Variants in RGS6 observed in about 807,000 individuals in gnomAD.
RGS6 encodes the protein regulator of G-protein signaling 6.
A neutral mutation model predicts 78.5 loss-of-function variants in RGS6; 30 were observed. That is an observed-to-expected ratio of 0.38 (90% CI 0.29 to 0.52). The LOEUF is 0.52. Among genes scored for constraint, RGS6 ranks in the 20% least tolerant of loss-of-function variants. The pLI is 0.85. For synonymous variants in RGS6, 206 were observed against 206.0 expected (o/e 1.00, Z 0.00); for missense variants, 495 against 609.7 (o/e 0.81, Z 1.98).
intron 2 of RGS6, among the ~76,000 whole-genome samples, chr14:72,269,542 G>T (rs1022622671): frequency 9.7e-5 from 13 of 134,236 alleles, no homozygotes; most frequent in African/African-American, 3.6e-4. Flanking sequence ...TTACTGAAAT[G>T]TTTTTACAGT....
intron 2 of RGS6, among the ~76,000 whole-genome samples, chr14:72,161,774 A>G (rs1373320617): frequency 6.6e-6 from 1 of 152,254 alleles, no homozygotes; most frequent in Non-Finnish European, 1.5e-5. Flanking sequence ...GCTTGCTTGC[A>G]TTAAACTGGA....
intron 3 of RGS6, among the ~76,000 whole-genome samples, chr14:72,438,494 C>T (rs1367996506): frequency 1.3e-5 from 2 of 152,170 alleles, no homozygotes; most frequent in East Asian, 1.9e-4. Context: ...CCCAGGTGTC[C>T]TCCCCATCCT....
intron 3 of RGS6, among the ~76,000 whole-genome samples, chr14:72,371,837 T>C (rs907524278): frequency 6.6e-6 from 1 of 152,226 alleles, no homozygotes; most frequent in African/African-American, 2.4e-5. Flanking sequence ...CCAGATTTAG[T>C]GTAGCTGACC....
the RGS6 span, among the ~76,000 whole-genome samples, chr14:72,582,451 T>C: frequency 2.6e-5 from 4 of 152,206 alleles, no homozygotes; most frequent in African/African-American, 7.2e-5. Flanking sequence ...GAAAAGGCTG[T>C]AAATTACCCA....
chr14:72,387,359 C>G (rs2088472511), intron 3 of RGS6, among the ~76,000 whole-genome samples: 1 of 152,068 alleles, frequency 6.6e-6, no homozygotes, highest in South Asian at 2.1e-4. Context: ...ACCATCCTGG[C>G]TAACACAGCA....
chr14:72,179,353 A>T (rs1170919477), intron 2 of RGS6, among the ~76,000 whole-genome samples: 2 of 152,166 alleles, frequency 1.3e-5, no homozygotes. Flanking sequence ...TTCATGTCTC[A>T]ACAATTTCTA....
chr14:72,265,632 A>C (rs1355190942), intron 2 of RGS6, among the ~76,000 whole-genome samples: 3 of 152,162 alleles, frequency 2.0e-5, no homozygotes. Flanking sequence ...CAATGGCCAC[A>C]AGGCACATAA....
intron 2 of RGS6, among the ~76,000 whole-genome samples, chr14:72,144,803 C>T (rs2096586560): frequency 6.6e-6 from 1 of 150,892 alleles, no homozygotes; most frequent in Non-Finnish European, 1.5e-5. Context: ...TTGCCTGCTG[C>T]CTTCACAGAG....
At chr14:72,540,747 G>C in intron 17 of RGS6, 3 of 1,271,612 alleles carry the variant, frequency 2.4e-6, no homozygotes, top group East Asian at 5.3e-5. Context: ...GGTGTCCTGG[G>C]TACTCCCCGG....
At chr14:71,880,462 G>A in the RGS6 span, among the ~76,000 whole-genome samples, 4 of 152,292 alleles carry the variant, frequency 2.6e-5, no homozygotes, top group Non-Finnish European at 5.9e-5. Flanking sequence ...GGAAGACAGA[G>A]TGGTTTTGTG....
intron 2 of RGS6, among the ~76,000 whole-genome samples, chr14:72,317,788 C>T (rs2070737608): frequency 6.6e-6 from 1 of 151,940 alleles, no homozygotes. Flanking sequence ...TTGTATTAGT[C>T]AGGGTTCTCT....
chr14:72,458,362 C>A lies in RGS6; in HGVS notation c.327C>A (p.Thr109=). The change falls in exon 5 of 18, where the codon ACC becomes ACA. Residue 109 remains threonine, a synonymous_variant. Transcript: ENST00000553525. The part of the protein sequence containing the change: ...DHVLTMKDDG[T]FYRFQAPYFW... ...TTCTCACCATGAAGGATGATGGCAC[C>A]TTTTATCGTTTCCAGGTAAGCCTGC... The A allele has an allele frequency of 6.2e-7, 1 of 1,613,872 alleles. No individual in the cohort carries two copies. Among genetic ancestry groups the A allele is most frequent in the Middle Eastern group, 1.6e-4 (1 of 6,062 alleles).
intron 3 of RGS6, among the ~76,000 whole-genome samples, chr14:72,408,348 ATT>A (rs2093121924): frequency 6.6e-6 from 1 of 152,134 alleles, no homozygotes; most frequent in South Asian, 2.1e-4. Context: ...TAATCTTTTC[ATT>A]GTTTAGTATA....
chr14:72,149,164 G>A (rs1289842356), intron 2 of RGS6, among the ~76,000 whole-genome samples: 1 of 152,168 alleles, frequency 6.6e-6, no homozygotes, highest in Non-Finnish European at 1.5e-5. Flanking sequence ...ACATGTGGCT[G>A]CTTAGCTTCT....
At chr14:72,546,851 A>G (rs1451440673) in intron 17 of RGS6, among the ~76,000 whole-genome samples, 2 of 152,230 alleles carry the variant, frequency 1.3e-5, no homozygotes, top group Non-Finnish European at 2.9e-5. Context: ...AAGTGTGTGT[A>G]TGCCAAGCAG....
chr14:72,377,404 T>C (rs2085028536), intron 3 of RGS6, among the ~76,000 whole-genome samples: 1 of 152,096 alleles, frequency 6.6e-6, no homozygotes, highest in Non-Finnish European at 1.5e-5. Context: ...AAAGCAAATA[T>C]TATTAGATCT....
chr14:72,312,238 TTTTTTG>T (rs2152466224), intron 2 of RGS6, among the ~76,000 whole-genome samples: 1 of 151,998 alleles, frequency 6.6e-6, no homozygotes, highest in African/African-American at 2.4e-5. Context: ...TTTTTTTTTT[TTTTTTG>T]GTACTCAGCC....
chr14:72,230,406 G>T (rs2049248057), intron 2 of RGS6, among the ~76,000 whole-genome samples: 3 of 152,262 alleles, frequency 2.0e-5, no homozygotes, highest in Middle Eastern at 3.4e-3. Context: ...CTTGTGAAAA[G>T]ACAGGAAGGC....
intron 14 of RGS6, among the ~76,000 whole-genome samples, chr14:72,516,384 C>A (rs1164262387): frequency 1.3e-5 from 2 of 152,172 alleles, no homozygotes; most frequent in Non-Finnish European, 2.9e-5. Flanking sequence ...CCCACCTGAA[C>A]AATGAGGTAG....
Sources: allele counts gnomAD v4.1 joint callset (sites outside exome capture counted in the v4.1 genomes callset), GRCh38; gene constraint gnomAD v4.1.1; transcripts MANE v1.5; gene names NCBI Gene and HGNC (gene_info 2026-07-23, HGNC 2026-07-21).